ANXA2: variants seen among roughly 807,000 people sequenced by gnomAD.
ANXA2 encodes annexin A2.
Under a neutral mutation model 47.3 loss-of-function variants are expected in ANXA2, and 28 were observed. The observed-to-expected ratio is 0.59, with a 90% CI of 0.44 to 0.81. The LOEUF (loss-of-function observed/expected upper bound fraction) is 0.81. ANXA2 is among the 40% of genes least tolerant of loss of function. ANXA2 has a pLI of 0.00. For missense variants in ANXA2, 384 were observed against 414.3 expected, an observed-to-expected ratio of 0.93 and a Z score of 0.64; for synonymous variants, 172 against 155.5, an observed-to-expected ratio of 1.11 and a Z score of -0.79.
At chr15:60,374,975 G>A (rs907422545) in intron 3 of ANXA2, among the ~76,000 whole-genome samples, 1 of 152,206 alleles carries the variant, frequency 6.6e-6, no homozygotes, top group Non-Finnish European at 1.5e-5. Context: ...CTCCGTTAGA[G>A]GAGAGAGGCT....
intron 3 of ANXA2, among the ~76,000 whole-genome samples, chr15:60,380,907 C>T (rs1211752215): frequency 6.6e-6 from 1 of 151,318 alleles, no homozygotes; most frequent in African/African-American, 2.4e-5. Flanking sequence ...GGGTGGTCCA[C>T]AGCAACTGCA....
intron 3 of ANXA2, among the ~76,000 whole-genome samples, chr15:60,378,778 C>A (rs959387055): frequency 3.3e-5 from 5 of 151,974 alleles, no homozygotes; most frequent in African/African-American, 1.2e-4. Flanking sequence ...GCAGCCTGGC[C>A]AAGATGGCAA....
At chr15:60,351,600 A>C in intron 10 of ANXA2, 124 bp downstream of exon 10, 2 of 716,910 alleles carry the variant, frequency 2.8e-6, no homozygotes, top group Non-Finnish European at 5.0e-6. Context: ...TTAAGACTGT[A>C]AAACTATCCA....
chr15:60,350,500 G>T (rs1404079416), intron 11 of ANXA2, among the ~76,000 whole-genome samples: 2 of 152,178 alleles, frequency 1.3e-5, no homozygotes, highest in African/African-American at 4.8e-5. Flanking sequence ...GCACCAAGGG[G>T]TGCTATTTGA....
intron 11 of ANXA2, among the ~76,000 whole-genome samples, chr15:60,350,639 G>T (rs1306418036): frequency 6.6e-6 from 1 of 152,154 alleles, no homozygotes; most frequent in East Asian, 1.9e-4. Context: ...TGGGTCTACG[G>T]GAAGAGGTGG....
intron 7 of ANXA2, chr15:60,355,502 C>T: frequency 3.4e-6 from 1 of 295,276 alleles, no homozygotes; most frequent in Non-Finnish European, 6.6e-6. Flanking sequence ...ACAAAGACAA[C>T]TCCACCCCAG....
intron 12 of ANXA2, among the ~76,000 whole-genome samples, chr15:60,348,756 AAAAAAGTAAAATGTAACTGATCTTCC>A (rs1168784977): frequency 2.4e-4 from 36 of 151,984 alleles, no homozygotes; most frequent in African/African-American, 8.0e-4. Context: ...AAAAAAAAAA[AAAAAAGTAAAATGTAACTGATCTTCC>A]AAGCCTCTTC....
chr15:60,353,137 G>C (rs1322988656), intron 8 of ANXA2, among the ~76,000 whole-genome samples: 1 of 152,096 alleles, frequency 6.6e-6, no homozygotes, highest in Admixed American at 6.5e-5. Context: ...GGAATATATT[G>C]AATTTTAAAA....
intron 8 of ANXA2, among the ~76,000 whole-genome samples, chr15:60,353,191 T>C (rs1177914989): frequency 3.3e-5 from 5 of 152,262 alleles, no homozygotes; most frequent in African/African-American, 1.2e-4. Context: ...CTTTTATGAC[T>C]TACTTTGAGA....
chr15:60,393,510 T>C, intron 1 of ANXA2: 1 of 990,824 alleles, frequency 1.0e-6, no homozygotes, highest in Non-Finnish European at 1.2e-6. Context: ...TTTCCTTAAA[T>C]ATCTTCTATA....
intron 3 of ANXA2, among the ~76,000 whole-genome samples, chr15:60,371,141 CATT>C (rs2062704752): frequency 6.6e-6 from 1 of 152,196 alleles, no homozygotes; most frequent in Non-Finnish European, 1.5e-5. Flanking sequence ...AATCTTTAAG[CATT>C]TACTCGTTGA....
intron 1 of ANXA2, among the ~76,000 whole-genome samples, chr15:60,392,204 CTG>C (rs1478627991): frequency 6.6e-6 from 1 of 152,132 alleles, no homozygotes; most frequent in Non-Finnish European, 1.5e-5. Context: ...ATAAATGAGA[CTG>C]TGAATGCCTG....
chr15:60,365,437 A>G (rs2062582030), intron 3 of ANXA2, among the ~76,000 whole-genome samples: 1 of 152,256 alleles, frequency 6.6e-6, no homozygotes, highest in Admixed American at 6.5e-5. Context: ...GTTTAATGAA[A>G]GAAACAGTCT....
intron 3 of ANXA2, 114 bp from the exon 4 acceptor site, chr15:60,364,637 T>G: frequency 2.9e-6 from 2 of 694,912 alleles, no homozygotes; most frequent in Non-Finnish European, 4.7e-6. Context: ...TTTTCCAAAC[T>G]GAAATACCCA....
At chr15:60,369,488 G>A (rs1323939007) in intron 3 of ANXA2, among the ~76,000 whole-genome samples, 1 of 152,168 alleles carries the variant, frequency 6.6e-6, no homozygotes, top group Non-Finnish European at 1.5e-5. Context: ...CAACCTAGGG[G>A]CCGCTGGCCT....
chr15:60,382,500 T>C (rs1169440148), intron 2 of ANXA2, 59 bp from the exon 3 acceptor site: 2 of 1,175,628 alleles, frequency 1.7e-6, no homozygotes, highest in Non-Finnish European at 2.5e-6. Context: ...CTTGTTGAAA[T>C]AACAATGCCT....
chr15:60,357,316 AT>A, intron 5 of ANXA2, 80 bp from the exon 6 acceptor site: 1 of 1,186,796 alleles, frequency 8.4e-7, no homozygotes, highest in Non-Finnish European at 1.2e-6. Context: ...CATCAAGTAA[AT>A]TGCAAACATG....
intron 3 of ANXA2, among the ~76,000 whole-genome samples, chr15:60,368,002 G>A: frequency 8.3e-6 from 1 of 120,942 alleles, no homozygotes; most frequent in Non-Finnish European, 1.7e-5. Flanking sequence ...CTGTTGATCT[G>A]TGACCTTATC....
chr15:60,383,031 A>G (rs7183894), intron 2 of ANXA2: 121,967 of 152,550 alleles, frequency 0.8, 49,269 homozygotes, highest in East Asian at 1. Flanking sequence ...CTCTGCCTTT[A>G]TTAATACCAT....
Sources: gnomAD v4.1 joint callset for allele counts (sites outside exome capture counted in the v4.1 genomes callset) on GRCh38, gnomAD v4.1.1 for gene constraint, MANE v1.5 for transcripts, NCBI Gene and HGNC (gene_info 2026-07-23, HGNC 2026-07-21) for gene names.